Variants in C1QTNF6 observed in about 807,000 individuals in gnomAD.
The protein encoded by C1QTNF6 is complement C1q tumor necrosis factor-related protein 6.
Under a neutral mutation model 20.7 loss-of-function variants are expected in C1QTNF6, and 17 were observed. That is an observed-to-expected ratio of 0.82 (90% CI 0.56 to 1.23). The LOEUF (loss-of-function observed/expected upper bound fraction) is 1.23. Ranked by LOEUF, C1QTNF6 falls within the 50% of genes most tolerant of loss-of-function variation. The probability of loss-of-function intolerance (pLI) is 0.00; values close to 1 mark genes in which losing one functional copy is unlikely to be tolerated. For synonymous variants in C1QTNF6, 130 were observed against 156.3 expected, an observed-to-expected ratio of 0.83 and a Z score of 1.25; for missense variants, 329 against 389.7, an observed-to-expected ratio of 0.84 and a Z score of 1.31.
chr22:37,187,349 C>T (rs1036686407), intron 1 of C1QTNF6, among the ~76,000 whole-genome samples: 1 of 152,140 alleles, frequency 6.6e-6, no homozygotes, highest in South Asian at 2.1e-4. Flanking sequence ...CCAAAATTCC[C>T]TTCTTTTTCC....
At chr22:37,194,136 T>TA (rs34527507) in intron 2 of C1QTNF6, among the ~76,000 whole-genome samples, 1 of 151,906 alleles carries the variant, frequency 6.6e-6, no homozygotes, top group Non-Finnish European at 1.5e-5. Context: ...TGCAAGGACG[T>TA]AAAAAAAAAG....
intron 1 of C1QTNF6, chr22:37,196,659 C>T (rs891410847): frequency 6.6e-6 from 1 of 152,258 alleles, no homozygotes; most frequent in African/African-American, 2.4e-5. Context: ...CTCTCCAACC[C>T]GATGGAATTC....
upstream of C1QTNF6, chr22:37,188,291 GA>G: frequency 7.7e-7 from 1 of 1,302,836 alleles, no homozygotes; most frequent in Non-Finnish European, 1.0e-6. Flanking sequence ...AGAGGAGGGA[GA>G]GAGGAGGGGA....
intron 1 of C1QTNF6, among the ~76,000 whole-genome samples, chr22:37,186,688 A>G (rs901950462): frequency 6.6e-6 from 1 of 152,212 alleles, no homozygotes; most frequent in African/African-American, 2.4e-5. Context: ...GAGGTGGTGC[A>G]GCTTCTGGGG....
At position 37,182,191 on chromosome 22, in the gene C1QTNF6, G is replaced by A. The variant is rs1923825551; in HGVS notation, c.834C>T (p.Asp278=). The A allele has an allele frequency of 6.2e-7, 1 of 1,607,820 alleles. No individual in the cohort carries two copies. The highest frequency in any genetic ancestry group is 2.2e-5 in the East Asian group (1 of 44,814). ...FSGHLIKAED[D] The stretch of plus-strand genomic sequence containing the variant: ...CGGGAGGGTGGCCCAGAGGCCCTCA[G>A]TCGTCCTCGGCCTTGATGAGGTGGC... The change falls in exon 3 of 3, where the codon GAC becomes GAT. Residue 278 remains aspartate (D), a synonymous_variant. Coordinates refer to ENST00000337843, the MANE Select transcript of C1QTNF6 (RefSeq NM_031910.4).
rs143139804 is a variant in C1QTNF6 at position 37,186,047 on chromosome 22, C to T, written c.52-592G>A. 7.1e-5 allele frequency: 70 copies of T among 985,158 alleles called. No individual in the cohort carries two copies. The African/African-American group carries it at 1.1e-3, about 16-fold the overall frequency. The allele number at this position is 985,158 out of a possible 1,614,324, so 61.0% of individuals were successfully genotyped here. A position where few individuals can be genotyped will look rare whatever the true frequency, so the allele number is the denominator to read the frequency against. On this transcript the variant is annotated intron_variant, in intron 1 of 2. Coordinates refer to ENST00000337843, the MANE Select transcript of C1QTNF6 (RefSeq NM_031910.4). ...GCTTTGGTGTGAGAACACCATAGTT[C>T]TGAAAAAAAAGAGATAAGAGAGTTC...
chr22:37,188,489 A>G (rs1924580226), upstream of C1QTNF6: 1 of 355,960 alleles, frequency 2.8e-6, no homozygotes, highest in Non-Finnish European at 5.1e-6. Context: ...AGAAAGTCAG[A>G]GCAGGCAGGA....
At chr22:37,190,259 T>C (rs1924728372), upstream of C1QTNF6, among the ~76,000 whole-genome samples, 1 of 152,262 alleles carries the variant, frequency 6.6e-6, no homozygotes, top group Admixed American at 6.5e-5. Flanking sequence ...TTAGTCTTAT[T>C]ATACTTGGCT....
chr22:37,198,786 C>A (rs1925306798), upstream of C1QTNF6, among the ~76,000 whole-genome samples: 1 of 151,944 alleles, frequency 6.6e-6, no homozygotes, highest in Non-Finnish European at 1.5e-5. Flanking sequence ...CAAACCCCCG[C>A]AGTCCCCGCA....
At position 37,180,906 on chromosome 22, in the gene C1QTNF6, G is replaced by C. The variant is rs1923707368; in HGVS notation, c.*1282C>G. ...TATGGGTGTGGGTTCCATTCTTCGG[G>C]GGCCACTTCACCCCCCAAATGCCCC... On this transcript the variant is annotated 3_prime_UTR_variant, in exon 3 of 3. Transcript: ENST00000337843. 1 of 152,302 alleles carries C rather than the reference G, an allele frequency of 6.6e-6. No individual in the cohort carries two copies. Among genetic ancestry groups the C allele is most frequent in the Non-Finnish European group, 1.5e-5 (1 of 68,142 alleles). 9.4% of individuals were successfully genotyped at this position (152,302 alleles called of 1,614,324 possible). A position where few individuals can be genotyped will look rare whatever the true frequency, so the allele number is the denominator to read the frequency against.
At position 37,187,967 on chromosome 22, in the gene C1QTNF6, C is replaced by T. The variant is rs193277200; in HGVS notation, c.51+196G>A. Among the ~76,000 whole-genome samples, 39 of 152,072 alleles carry T rather than the reference C, an allele frequency of 2.6e-4. 1 individual carries two copies. The East Asian group carries it at 6.8e-3, about 26-fold the overall frequency. On this transcript the variant is annotated intron_variant, in intron 1 of 2. Coordinates refer to ENST00000337843, the MANE Select transcript of C1QTNF6 (RefSeq NM_031910.4). The stretch of plus-strand genomic sequence containing the variant: ...GAGTTTGTGTGTGCCCGGGTAGGGG[C>T]GGGCACAAACCGGGAGCAGTGGAGC...
rs763942795 is a variant in C1QTNF6, at chr22:37,182,466, G to A, written c.559C>T (p.Leu187=). ...DMATGQFAAP[L]RGIYFFSLNV... is the part of the protein sequence containing the mutation. ...AGGCTGAAGAAGTAGATGCCACGCA[G>A]GGGAGCAGCAAACTGGCCGGTCGCC... is the stretch of plus-strand genomic sequence containing the variant. Residue 187 remains leucine, a synonymous_variant, in exon 3 of 3, where the codon CTG becomes TTG. Transcript: ENST00000337843. The A allele has an allele frequency of 3.1e-6, 5 of 1,614,282 alleles. No individual in the cohort carries two copies. The South Asian group carries it at 4.4e-5, about 14-fold the overall frequency.
At chr22:37,199,300 G>T (rs1925344971), upstream of C1QTNF6, 1 of 152,274 alleles carries the variant, frequency 6.6e-6, no homozygotes, top group Admixed American at 6.5e-5. Flanking sequence ...CATAGCCCAG[G>T]GCCCAGGCAA....
chr22:37,188,513 TG>T, upstream of C1QTNF6: 1 of 305,446 alleles, frequency 3.3e-6, no homozygotes, highest in Non-Finnish European at 6.0e-6. Flanking sequence ...TGAGGCCCCC[TG>T]ATGATTGGGA....
At chr22:37,189,035 C>T (rs1319172376), upstream of C1QTNF6, among the ~76,000 whole-genome samples, 1 of 152,204 alleles carries the variant, frequency 6.6e-6, no homozygotes, top group East Asian at 1.9e-4. Flanking sequence ...TTTCTTGATC[C>T]TATGCTAAAC....
chr22:37,182,068 A>T lies in C1QTNF6; in HGVS notation c.*120T>A. The T allele has an allele frequency of 8.9e-7, 1 of 1,119,022 alleles. No individual in the cohort carries two copies. Among genetic ancestry groups the T allele is most frequent in the Non-Finnish European group, 1.2e-6 (1 of 806,654 alleles). 69.3% of individuals were successfully genotyped at this position (1,119,022 alleles called of 1,614,324 possible). On this transcript the variant is annotated 3_prime_UTR_variant, in exon 3 of 3. Coordinates refer to ENST00000337843, the MANE Select transcript of C1QTNF6 (RefSeq NM_031910.4). ...GCCAAGATAGAAGCAGGGTCTCCCC[A>T]GAATGCCAGGTCCCCGGGGACCTCC...
upstream of C1QTNF6, among the ~76,000 whole-genome samples, chr22:37,198,621 GAAGACGC>G (rs141023855): frequency 0.011 from 1,742 of 152,256 alleles, 32 homozygotes; most frequent in African/African-American, 0.039. Flanking sequence ...TTCAACAAAG[GAAGACGC>G]GAGCGCCTCC....
chr22:37,185,690 A>T (rs900830380), intron 1 of C1QTNF6: 1 of 1,222,274 alleles, frequency 8.2e-7, no homozygotes, highest in South Asian at 2.8e-5. Context: ...GTCTCCGGGC[A>T]CCCAGTCCAT....
At chr22:37,193,316 G>A (rs887839494) in intron 2 of C1QTNF6, among the ~76,000 whole-genome samples, 1 of 152,118 alleles carries the variant, frequency 6.6e-6, no homozygotes, top group African/African-American at 2.4e-5. Flanking sequence ...CAATTCCTGG[G>A]GGTGTCCATG....
Sources: gnomAD v4.1 joint callset for allele counts (sites outside exome capture counted in the v4.1 genomes callset) on GRCh38, gnomAD v4.1.1 for gene constraint, MANE v1.5 for transcripts, NCBI Gene and HGNC (gene_info 2026-07-23, HGNC 2026-07-21) for gene names.